Variants in WDR89 observed in about 807,000 individuals in gnomAD.
WDR89 encodes the protein WD repeat-containing protein 89.
WDR89 carries 17 observed loss-of-function variants against 29.1 expected under a neutral mutation model. The observed-to-expected ratio is 0.58, with a 90% CI of 0.40 to 0.88. The LOEUF is 0.88. WDR89 is among the 40% of genes least tolerant of loss of function. The probability of loss-of-function intolerance (pLI) is 0.00; values close to 1 mark genes in which losing one functional copy is unlikely to be tolerated. For missense variants in WDR89, 396 were observed against 456.3 expected (o/e 0.87, Z 1.20); for synonymous variants, 138 against 157.8 (o/e 0.87, Z 0.94).
chr14:63,610,903 T>C (rs112284355), intron 2 of WDR89, among the ~76,000 whole-genome samples: 82 of 152,140 alleles, frequency 5.4e-4, no homozygotes, highest in African/African-American at 1.9e-3. Flanking sequence ...GGTTTCACCA[T>C]GTTGGCCAGG....
At chr14:63,619,686 G>C (rs559288118) in intron 2 of WDR89, among the ~76,000 whole-genome samples, 2 of 152,026 alleles carry the variant, frequency 1.3e-5, no homozygotes, top group African/African-American at 4.8e-5. Context: ...AGCCAAAATG[G>C]AAACCAGTAT....
At chr14:63,620,065 C>G (rs994028772) in intron 2 of WDR89, among the ~76,000 whole-genome samples, 1 of 151,314 alleles carries the variant, frequency 6.6e-6, no homozygotes, top group African/African-American at 2.4e-5. Flanking sequence ...TATCTGTACT[C>G]CCAGGTTCAC....
chr14:63,607,966 G>C (rs1368347364), intron 2 of WDR89, among the ~76,000 whole-genome samples: 1 of 151,990 alleles, frequency 6.6e-6, no homozygotes, highest in East Asian at 1.9e-4. Flanking sequence ...CCAACACTTT[G>C]GGAGGCCAAG....
intron 2 of WDR89, among the ~76,000 whole-genome samples, chr14:63,624,676 C>G (rs971455596): frequency 5.3e-5 from 8 of 151,762 alleles, no homozygotes; most frequent in African/African-American, 1.7e-4. Context: ...GACACTTCAC[C>G]AAAGAAGATA....
chr14:63,615,288 C>A (rs561841984), intron 2 of WDR89, among the ~76,000 whole-genome samples: 2 of 152,298 alleles, frequency 1.3e-5, no homozygotes, highest in South Asian at 4.1e-4. Flanking sequence ...GAACAACCAG[C>A]TGGTTAACCA....
intron 2 of WDR89, among the ~76,000 whole-genome samples, chr14:63,620,227 C>T (rs543092118): frequency 8.5e-5 from 13 of 152,136 alleles, no homozygotes; most frequent in Non-Finnish European, 1.3e-4. Context: ...CATTTGTGTA[C>T]ATACACAATA....
chr14:63,634,509 G>A (rs113836475), intron 1 of WDR89, among the ~76,000 whole-genome samples: 2,095 of 148,616 alleles, frequency 0.014, 55 homozygotes, highest in African/African-American at 0.049. Flanking sequence ...GCGACAGAGC[G>A]AGACTCCCTC....
chr14:63,626,082 G>A (rs1336156359), intron 1 of WDR89, among the ~76,000 whole-genome samples: 1 of 152,038 alleles, frequency 6.6e-6, no homozygotes, highest in Non-Finnish European at 1.5e-5. Flanking sequence ...TCAATCTCCT[G>A]ACCTCGTGAT....
At chr14:63,600,062 G>T in intron 2 of WDR89, 89 bp from the exon 3 acceptor site, 2 of 748,148 alleles carry the variant, frequency 2.7e-6, no homozygotes, top group South Asian at 3.8e-5. Context: ...CTCTAAAATT[G>T]CAATTAAATC....
chr14:63,641,858 C>G lies in WDR89; in HGVS notation c.-192G>C, dbSNP rs1489672738. On this transcript the variant is annotated 5_prime_UTR_variant, in exon 1 of 3. Coordinates refer to ENST00000620954, the MANE Select transcript of WDR89 (RefSeq NM_080666.4). ...ACGCAGGCTGCGCGGCGGCTTAGAG[C>G]GGTCAAGTGGAACCCCGCCTCGACC... 1.3e-5 allele frequency: 2 copies of G among 152,292 alleles called. No individual in the cohort carries two copies. Among genetic ancestry groups the G allele is most frequent in the Non-Finnish European group, 2.9e-5 (2 of 68,108 alleles). The allele number at this position is 152,292 out of a possible 1,614,324, so 9.4% of individuals were successfully genotyped here. A position where few individuals can be genotyped will look rare whatever the true frequency, so the allele number is the denominator to read the frequency against.
At chr14:63,602,599 C>T (rs765299537) in intron 2 of WDR89, among the ~76,000 whole-genome samples, 12 of 151,224 alleles carry the variant, frequency 7.9e-5, no homozygotes, top group African/African-American at 2.7e-4. Flanking sequence ...ATGGAAAAAC[C>T]CCGTCTCTAT....
Position 63,598,626 on chromosome 14 carries a change from A to T in WDR89, c.*153T>A, listed in dbSNP as rs1354581036. The T allele has an allele frequency of 8.4e-6, 5 of 596,624 alleles. No homozygotes were observed. The highest frequency in any genetic ancestry group is 1.3e-5 in the Non-Finnish European group (5 of 391,726). 37.0% of individuals were successfully genotyped at this position (596,624 alleles called of 1,614,324 possible). A position where few individuals can be genotyped will look rare whatever the true frequency, so the allele number is the denominator to read the frequency against. ...TTAAAATTTTTTAGAATATGTGAAG[A>T]CCGGAATTAAACCATTCTCACCATA... On this transcript the variant is annotated 3_prime_UTR_variant, in exon 3 of 3. Coordinates refer to ENST00000620954, the MANE Select transcript of WDR89 (RefSeq NM_080666.4).
At chr14:63,616,405 C>T (rs2139527047) in intron 2 of WDR89, among the ~76,000 whole-genome samples, 1 of 152,250 alleles carries the variant, frequency 6.6e-6, no homozygotes, top group East Asian at 1.9e-4. Flanking sequence ...GGTGGAAATA[C>T]AGCCCAATAA....
chr14:63,641,075 G>A (rs1884088665), intron 1 of WDR89, among the ~76,000 whole-genome samples: 1 of 140,960 alleles, frequency 7.1e-6, no homozygotes, highest in African/African-American at 2.7e-5. Flanking sequence ...TCCAGCCTGC[G>A]CGACAGCCTG....
At chr14:63,616,630 T>C (rs571359360) in intron 2 of WDR89, among the ~76,000 whole-genome samples, 2 of 152,084 alleles carry the variant, frequency 1.3e-5, no homozygotes, top group South Asian at 2.1e-4. Flanking sequence ...AAACAACAAG[T>C]AGGCCAGTGC....
chr14:63,620,189 C>T (rs1369893138), intron 2 of WDR89, among the ~76,000 whole-genome samples: 2 of 152,110 alleles, frequency 1.3e-5, no homozygotes, highest in East Asian at 3.9e-4. Flanking sequence ...TGGTGGTGTG[C>T]ACCTGTCATC....
At chr14:63,620,020 A>G (rs534959766) in intron 2 of WDR89, among the ~76,000 whole-genome samples, 26 of 151,374 alleles carry the variant, frequency 1.7e-4, no homozygotes, top group African/African-American at 5.1e-4. Flanking sequence ...AAAAAAAAAA[A>G]AAAAGAAAAA....
intron 2 of WDR89, among the ~76,000 whole-genome samples, chr14:63,623,161 G>A (rs531564686): frequency 7.1e-5 from 10 of 140,952 alleles, no homozygotes; most frequent in Non-Finnish European, 1.3e-4. Flanking sequence ...TCGCCCTATT[G>A]CACTCCAGTC....
chr14:63,639,944 C>T (rs1883995604), intron 1 of WDR89, among the ~76,000 whole-genome samples: 1 of 152,106 alleles, frequency 6.6e-6, no homozygotes, highest in South Asian at 2.1e-4. Context: ...ACTGTGCCAC[C>T]GCACTCCCGT....
Sources: gnomAD v4.1 joint callset for allele counts (sites outside exome capture counted in the v4.1 genomes callset) on GRCh38, gnomAD v4.1.1 for gene constraint, MANE v1.5 for transcripts, NCBI Gene and HGNC (gene_info 2026-07-23, HGNC 2026-07-21) for gene names.